Variants in ANKS1B observed in about 807,000 individuals in gnomAD.
ANKS1B encodes the protein ankyrin repeat and sterile alpha motif domain-containing protein 1B.
A neutral mutation model predicts 148.3 loss-of-function variants in ANKS1B; 36 were observed. The ratio of observed to expected loss-of-function variants is 0.24; its 90% confidence interval spans 0.19 to 0.32. ANKS1B has a LOEUF of 0.32. Among genes scored for constraint, ANKS1B ranks in the 10% least tolerant of loss-of-function variants. ANKS1B has a pLI of 1.00. For synonymous variants in ANKS1B, 542 were observed against 560.8 expected, an observed-to-expected ratio of 0.97 and a Z score of 0.47; for missense variants, 1,157 against 1,542.6, an observed-to-expected ratio of 0.75 and a Z score of 4.19.
At chr12:99,606,892 C>T (rs1457869915) in intron 9 of ANKS1B, among the ~76,000 whole-genome samples, 2 of 152,066 alleles carry the variant, frequency 1.3e-5, no homozygotes, top group Admixed American at 6.6e-5. Flanking sequence ...CTAACCAAAG[C>T]CTCTGAAACA....
chr12:99,778,694 C>T (rs1390913641), intron 6 of ANKS1B, among the ~76,000 whole-genome samples: 1 of 152,054 alleles, frequency 6.6e-6, no homozygotes, highest in African/African-American at 2.4e-5. Flanking sequence ...TTCATCTCTG[C>T]ATGCATTTGA....
chr12:99,184,241 A>T (rs1159690822), intron 14 of ANKS1B, among the ~76,000 whole-genome samples: 1 of 152,196 alleles, frequency 6.6e-6, no homozygotes, highest in South Asian at 2.1e-4. Context: ...TTGGCAAAAT[A>T]GTTCAAAAAA....
intron 14 of ANKS1B, among the ~76,000 whole-genome samples, chr12:99,186,156 T>C (rs2079819155): frequency 6.6e-6 from 1 of 152,156 alleles, no homozygotes; most frequent in Non-Finnish European, 1.5e-5. Context: ...TACTGCAGAT[T>C]GGTAAAGCTG....
chr12:99,385,359 C>G (rs1031630922), intron 12 of ANKS1B, among the ~76,000 whole-genome samples: 1 of 152,306 alleles, frequency 6.6e-6, no homozygotes, highest in Non-Finnish European at 1.5e-5. Context: ...GTCCCAGCTA[C>G]TCAGGAGGCT....
At chr12:99,890,895 T>C (rs1284960388) in intron 1 of ANKS1B, among the ~76,000 whole-genome samples, 2 of 151,994 alleles carry the variant, frequency 1.3e-5, no homozygotes, top group Non-Finnish European at 2.9e-5. Flanking sequence ...AGATAAGGTG[T>C]TCATTGAAAA....
intron 9 of ANKS1B, among the ~76,000 whole-genome samples, chr12:99,652,616 T>C (rs2098427719): frequency 6.6e-6 from 1 of 152,012 alleles, no homozygotes; most frequent in South Asian, 2.1e-4. Flanking sequence ...AAAATTAAAA[T>C]CCCAATAGAG....
chr12:98,767,080 A>C (rs2098492960), intron 25 of ANKS1B, among the ~76,000 whole-genome samples: 1 of 151,862 alleles, frequency 6.6e-6, no homozygotes, highest in Admixed American at 6.6e-5. Flanking sequence ...CAGCCTCCCA[A>C]AGTGCTGGGG....
chr12:98,786,053 C>A (rs1324923341), intron 22 of ANKS1B, among the ~76,000 whole-genome samples: 2 of 152,128 alleles, frequency 1.3e-5, no homozygotes, highest in East Asian at 3.8e-4. Context: ...GTAATGGAGA[C>A]CTCTGAGTAC....
Position 98,745,674 on chromosome 12 carries a change from A to T in ANKS1B, c.*65T>A. On this transcript the variant is annotated 3_prime_UTR_variant, in exon 27 of 27. Coordinates refer to ENST00000683438, the MANE Select transcript of ANKS1B (RefSeq NM_001352186.2). ...TGGGCTGGGTGGACGCGGAGGCGCG[A>T]AGGAAAGCCTGCTCCGGGACCGCTT... The T allele has an allele frequency of 6.3e-7, 1 of 1,590,404 alleles. No individual in the cohort carries two copies. Among genetic ancestry groups the T allele is most frequent in the Non-Finnish European group, 8.6e-7 (1 of 1,168,016 alleles).
intron 10 of ANKS1B, among the ~76,000 whole-genome samples, chr12:99,466,011 A>G (rs1171794722): frequency 2.6e-5 from 4 of 152,174 alleles, no homozygotes; most frequent in African/African-American, 9.7e-5. Flanking sequence ...GACCACACCT[A>G]TTCCAAAATT....
intron 15 of ANKS1B, among the ~76,000 whole-genome samples, chr12:99,134,474 A>G (rs1024679977): frequency 6.6e-6 from 1 of 152,056 alleles, no homozygotes; most frequent in East Asian, 1.9e-4. Context: ...GAGAGAATGG[A>G]GATGGGATGG....
chr12:99,923,484 T>C (rs1371115156), intron 1 of ANKS1B, among the ~76,000 whole-genome samples: 2 of 152,132 alleles, frequency 1.3e-5, no homozygotes, highest in East Asian at 3.9e-4. Context: ...GGATTTAAAA[T>C]AAGATCATGA....
intron 10 of ANKS1B, among the ~76,000 whole-genome samples, chr12:99,494,034 G>A (rs2096579352): frequency 6.6e-6 from 1 of 152,148 alleles, no homozygotes; most frequent in African/African-American, 2.4e-5. Flanking sequence ...GCAGAAAAAT[G>A]TCAGCCATCA....
chr12:98,783,096 T>C (rs1287816444), intron 22 of ANKS1B, among the ~76,000 whole-genome samples: 1 of 152,260 alleles, frequency 6.6e-6, no homozygotes, highest in African/African-American at 2.4e-5. Context: ...ACCTCACTTA[T>C]CTTTTGCCAT....
chr12:99,173,218 A>C (rs1171357047), intron 14 of ANKS1B, among the ~76,000 whole-genome samples: 1 of 152,156 alleles, frequency 6.6e-6, no homozygotes, highest in Non-Finnish European at 1.5e-5. Context: ...ACCTTCTGTG[A>C]TGGATGCTTA....
rs866787517 is a variant in ANKS1B, at chr12:99,462,015, T to C, written c.1439-18206A>G. 3.3e-5 allele frequency among the ~76,000 whole-genome samples: 5 copies of C among 152,300 alleles called. No individual in the cohort carries two copies. In the South Asian group the frequency reaches 1.0e-3, roughly 32 times the overall value. ...CCTTTCCATCTTCACATTTACTTAT[T>C]TAGTTTAGACACAATGGCCCATCAC... On this transcript the variant is annotated intron_variant, in intron 10 of 26. Coordinates refer to ENST00000683438, the MANE Select transcript of ANKS1B (RefSeq NM_001352186.2).
intron 1 of ANKS1B, among the ~76,000 whole-genome samples, chr12:99,945,957 G>A (rs549594552): frequency 6.6e-6 from 1 of 152,236 alleles, no homozygotes; most frequent in African/African-American, 2.4e-5. Context: ...GCAATCACTT[G>A]TTACCATGGA....
intron 17 of ANKS1B, among the ~76,000 whole-genome samples, chr12:99,046,376 C>A (rs1041558057): frequency 6.6e-6 from 1 of 151,940 alleles, no homozygotes; most frequent in Admixed American, 6.6e-5. Context: ...ATCAATAAAA[C>A]CCAAACCTAA....
At chr12:98,876,234 A>G (rs569571412) in intron 17 of ANKS1B, among the ~76,000 whole-genome samples, 1 of 152,300 alleles carries the variant, frequency 6.6e-6, no homozygotes, top group South Asian at 2.1e-4. Context: ...CACAGGCACC[A>G]CATGTGGGAT....
Sources: allele counts gnomAD v4.1 joint callset (sites outside exome capture counted in the v4.1 genomes callset), GRCh38; gene constraint gnomAD v4.1.1; transcripts MANE v1.5; gene names NCBI Gene and HGNC (gene_info 2026-07-23, HGNC 2026-07-21).